The following DCC variants were observed in gnomAD, a reference collection of about 807,000 sequenced individuals.
DCC encodes the protein DCC netrin 1 receptor.
A neutral mutation model predicts 172.5 loss-of-function variants in DCC; 58 were observed. The ratio of observed to expected loss-of-function variants is 0.34; its 90% CI spans 0.27 to 0.42. DCC has a LOEUF of 0.42. Ranked by LOEUF, DCC falls within the 10% of genes least tolerant of loss-of-function variation. DCC has a pLI of 1.00. For synonymous variants in DCC, 709 were observed against 644.5 expected, an observed-to-expected ratio of 1.10 and a Z score of -1.52; for missense variants, 1,740 against 1,791.0, an observed-to-expected ratio of 0.97 and a Z score of 0.51.
chr18:52,870,406 C>T (rs2039300633), intron 2 of DCC, among the ~76,000 whole-genome samples: 1 of 152,212 alleles, frequency 6.6e-6, no homozygotes. Context: ...GCAGCCGCTG[C>T]TCTGGATTGC....
chr18:53,005,676 T>C (rs2041633638), intron 5 of DCC, among the ~76,000 whole-genome samples: 1 of 152,132 alleles, frequency 6.6e-6, no homozygotes, highest in Non-Finnish European at 1.5e-5. Context: ...TGCAGTGAGC[T>C]GAGATCATGC....
intron 2 of DCC, among the ~76,000 whole-genome samples, chr18:52,867,879 CTTTG>C (rs914739109): frequency 6.6e-6 from 1 of 152,008 alleles, no homozygotes; most frequent in African/African-American, 2.4e-5. Flanking sequence ...AGGATTTTAA[CTTTG>C]TTTTAGGTCA....
At chr18:52,927,731 A>T (rs2040242116) in intron 5 of DCC, among the ~76,000 whole-genome samples, 1 of 152,132 alleles carries the variant, frequency 6.6e-6, no homozygotes, top group Non-Finnish European at 1.5e-5. Context: ...ACCAGTCAGA[A>T]TGTCTATTAC....
intron 1 of DCC, among the ~76,000 whole-genome samples, chr18:52,696,509 T>G (rs995660404): frequency 3.9e-5 from 6 of 152,188 alleles, no homozygotes; most frequent in Non-Finnish European, 7.3e-5. Flanking sequence ...CTGAAGTTGT[T>G]CACATGATTA....
intron 15 of DCC, among the ~76,000 whole-genome samples, chr18:53,375,486 A>G (rs12604606): frequency 0.24 from 36,212 of 152,058 alleles, 4,739 homozygotes; most frequent in East Asian, 0.43. Context: ...TCTTTATGCT[A>G]AAGAGTCAGT....
At chr18:52,727,600 C>A (rs145863487) in intron 1 of DCC, among the ~76,000 whole-genome samples, 74 of 152,238 alleles carry the variant, frequency 4.9e-4, no homozygotes, top group African/African-American at 1.6e-3. Flanking sequence ...AGTTTATAAC[C>A]CATAGATACT....
chr18:52,840,863 T>G (rs1206409867), intron 2 of DCC, among the ~76,000 whole-genome samples: 1 of 152,094 alleles, frequency 6.6e-6, no homozygotes, highest in Non-Finnish European at 1.5e-5. Flanking sequence ...AACTACAAAA[T>G]GAAGTCTGAA....
At chr18:53,091,720 C>G (rs1242305362) in intron 7 of DCC, among the ~76,000 whole-genome samples, 2 of 151,908 alleles carry the variant, frequency 1.3e-5, no homozygotes, top group Admixed American at 6.6e-5. Flanking sequence ...AGCCTCACCT[C>G]CTAATATGAT....
chr18:53,343,454 T>C (rs2057685743), intron 15 of DCC, among the ~76,000 whole-genome samples: 2 of 152,006 alleles, frequency 1.3e-5, no homozygotes, highest in African/African-American at 4.8e-5. Flanking sequence ...GTGAATTACA[T>C]TGATTGATTT....
At chr18:52,859,415 G>A (rs188422078) in intron 2 of DCC, among the ~76,000 whole-genome samples, 2 of 152,270 alleles carry the variant, frequency 1.3e-5, no homozygotes, top group African/African-American at 4.8e-5. Context: ...CAGAGGGATT[G>A]CTTCTATTCC....
intron 1 of DCC, among the ~76,000 whole-genome samples, chr18:52,678,025 G>A (rs990375023): frequency 2.6e-5 from 4 of 152,170 alleles, no homozygotes; most frequent in African/African-American, 9.7e-5. Context: ...TCCAGTGGAA[G>A]TGGGTATAAA....
chr18:53,135,959 TC>T (rs2043734573), intron 7 of DCC, among the ~76,000 whole-genome samples: 1 of 152,176 alleles, frequency 6.6e-6, no homozygotes, highest in Non-Finnish European at 1.5e-5. Flanking sequence ...TGGTTATTTT[TC>T]CTTATTGATT....
At chr18:52,997,781 G>A (rs1326814099) in intron 5 of DCC, among the ~76,000 whole-genome samples, 1 of 152,100 alleles carries the variant, frequency 6.6e-6, no homozygotes, top group Non-Finnish European at 1.5e-5. Flanking sequence ...GTCCAAACGA[G>A]TATTCGCAGT....
At chr18:53,128,371 C>G (rs759787970) in intron 7 of DCC, among the ~76,000 whole-genome samples, 4 of 152,106 alleles carry the variant, frequency 2.6e-5, no homozygotes, top group African/African-American at 4.8e-5. Flanking sequence ...CTCAGCTTAA[C>G]TTGGCTTCAA....
At chr18:53,390,083 C>G (rs1403204409) in intron 16 of DCC, among the ~76,000 whole-genome samples, 1 of 152,150 alleles carries the variant, frequency 6.6e-6, no homozygotes, top group African/African-American at 2.4e-5. Flanking sequence ...GCTACACAAA[C>G]CGATGAATGA....
intron 2 of DCC, among the ~76,000 whole-genome samples, chr18:52,822,352 T>C (rs1321572092): frequency 6.6e-6 from 1 of 152,214 alleles, no homozygotes; most frequent in East Asian, 1.9e-4. Context: ...TACCTACTGC[T>C]CATTCCAAAG....
intron 27 of DCC, among the ~76,000 whole-genome samples, chr18:53,510,174 A>G (rs1051808154): frequency 2.6e-5 from 4 of 152,216 alleles, no homozygotes; most frequent in South Asian, 2.1e-4. Flanking sequence ...CACCCCTCAA[A>G]TGGTACACTG....
chr18:53,382,159 T>C (rs895407017), intron 15 of DCC, among the ~76,000 whole-genome samples: 2 of 151,636 alleles, frequency 1.3e-5, no homozygotes, highest in Admixed American at 6.6e-5. Context: ...TTCACTCTTT[T>C]GATAAACACT....
chr18:53,223,873 C>A (rs2055980867), intron 12 of DCC, among the ~76,000 whole-genome samples: 1 of 152,248 alleles, frequency 6.6e-6, no homozygotes, highest in South Asian at 2.1e-4. Context: ...CTAATTATAA[C>A]TGTAATAATG....
Sources: gnomAD v4.1 joint callset for allele counts (sites outside exome capture counted in the v4.1 genomes callset) on GRCh38, gnomAD v4.1.1 for gene constraint, MANE v1.5 for transcripts, NCBI Gene and HGNC (gene_info 2026-07-23, HGNC 2026-07-21) for gene names.